The following ZNF385D variants were observed in gnomAD, a reference collection of about 807,000 sequenced individuals.
ZNF385D encodes the protein zinc finger protein 659.
In ZNF385D, 15 loss-of-function variants were observed where a neutral mutation model predicts 35.8. That is an observed-to-expected ratio of 0.42 (90% CI 0.28 to 0.64). The LOEUF (loss-of-function observed/expected upper bound fraction) is 0.64. Among genes scored for constraint, ZNF385D ranks in the 30% least tolerant of loss-of-function variants. The pLI, the probability that ZNF385D is intolerant of heterozygous loss-of-function variation, is 0.23. For synonymous variants in ZNF385D, 212 were observed against 186.8 expected, an observed-to-expected ratio of 1.13 and a Z score of -1.10; for missense variants, 474 against 494.6, an observed-to-expected ratio of 0.96 and a Z score of 0.39.
chr3:21,996,819 A>G (rs1330109474), intron 3 of ZNF385D, among the ~76,000 whole-genome samples: 1 of 152,228 alleles, frequency 6.6e-6, no homozygotes, highest in African/African-American at 2.4e-5. Flanking sequence ...AAGGAGGATT[A>G]GCACATTCAT....
At chr3:21,690,746 C>T (rs768473126) in intron 1 of ZNF385D, among the ~76,000 whole-genome samples, 1 of 152,192 alleles carries the variant, frequency 6.6e-6, no homozygotes, top group Non-Finnish European at 1.5e-5. Flanking sequence ...TTCAAATTCA[C>T]TGGCCCCACC....
At chr3:21,529,881 C>T (rs2061882953) in intron 3 of ZNF385D, among the ~76,000 whole-genome samples, 3 of 152,048 alleles carry the variant, frequency 2.0e-5, no homozygotes, top group Admixed American at 6.6e-5. Context: ...AAAATTATTG[C>T]AGAAAAAGTG....
chr3:21,462,411 C>T (rs969089093), intron 4 of ZNF385D, among the ~76,000 whole-genome samples: 1 of 152,162 alleles, frequency 6.6e-6, no homozygotes, highest in Admixed American at 6.5e-5. Flanking sequence ...AATGATGTTA[C>T]TTGCAATTAA....
At chr3:21,796,680 G>A (rs532441047) in intron 3 of ZNF385D, among the ~76,000 whole-genome samples, 62 of 152,264 alleles carry the variant, frequency 4.1e-4, no homozygotes, top group African/African-American at 1.4e-3. Flanking sequence ...GGTAACACAG[G>A]AACACATCTA....
intron 1 of ZNF385D, among the ~76,000 whole-genome samples, chr3:21,730,822 G>A (rs1406495958): frequency 6.6e-6 from 1 of 152,170 alleles, no homozygotes; most frequent in Non-Finnish European, 1.5e-5. Context: ...TGCTGTTATA[G>A]TGTAGATTTC....
intron 3 of ZNF385D, among the ~76,000 whole-genome samples, chr3:22,110,437 A>T (rs1442980059): frequency 6.6e-6 from 1 of 152,098 alleles, no homozygotes; most frequent in Non-Finnish European, 1.5e-5. Flanking sequence ...GCACATATAC[A>T]CCATGGAATA....
In ZNF385D at chr3:22,174,946, A is replaced by G. The variant is rs1057221433; in HGVS notation, c.107-5911T>C. On this transcript the variant is annotated intron_variant, in intron 2 of 5. Coordinates refer to the ZNF385D transcript ENST00000494108. ...GTCTAAATATTCCCCAAATTTTACA[A>G]AAGTTTTGCTCAAAAAAACTTATTC... 5.9e-5 allele frequency among the ~76,000 whole-genome samples: 9 copies of G among 152,182 alleles called. No homozygotes were observed. In the East Asian group the frequency reaches 1.4e-3, roughly 23 times the overall value.
rs1472477169 is a variant in ZNF385D at position 21,421,244 on chromosome 3, G to C, written c.1158C>G (p.Ala386=). Residue 386 remains alanine, a synonymous_variant, in exon 8 of 8, where the codon GCC becomes GCG. Coordinates refer to ENST00000281523, the MANE Select transcript of ZNF385D (RefSeq NM_024697.3). ...AAGGAGCAAACAGCACAGGAGTGTG[G>C]GCGGTCCGAATGGGTCCAGGAGCTG... is the stretch of plus-strand genomic sequence containing the variant. ...LRPAPGPIRT[A]HTPVLFAPY 1 of 1,614,038 alleles carries C rather than the reference G, an allele frequency of 6.2e-7. No individual in the cohort carries two copies. The highest frequency in any genetic ancestry group is 1.1e-5 in the South Asian group (1 of 91,068).
At chr3:21,833,345 G>A (rs1575742049) in intron 3 of ZNF385D, among the ~76,000 whole-genome samples, 2 of 152,062 alleles carry the variant, frequency 1.3e-5, no homozygotes, top group African/African-American at 4.8e-5. Flanking sequence ...AATAAATTAA[G>A]GATCTTAAGA....
intron 1 of ZNF385D, among the ~76,000 whole-genome samples, chr3:21,703,648 G>C (rs1256734353): frequency 7.7e-6 from 1 of 129,432 alleles, no homozygotes; most frequent in Non-Finnish European, 1.7e-5. Context: ...TATAGCTCAT[G>C]CTCTTTATCC....
chr3:21,741,548 T>G (rs2069515981), intron 1 of ZNF385D, among the ~76,000 whole-genome samples: 1 of 152,080 alleles, frequency 6.6e-6, no homozygotes. Flanking sequence ...GCGTCATAAG[T>G]TGTAAATTGT....
intron 4 of ZNF385D, among the ~76,000 whole-genome samples, chr3:21,502,104 AG>A (rs1261526199): frequency 1.7e-4 from 26 of 152,134 alleles, no homozygotes; most frequent in Middle Eastern, 3.2e-3. Context: ...CAGCAAATGC[AG>A]GGGTGGGGGT....
chr3:22,162,927 T>C (rs1344211670), intron 3 of ZNF385D, among the ~76,000 whole-genome samples: 1 of 152,046 alleles, frequency 6.6e-6, no homozygotes, highest in African/African-American at 2.4e-5. Flanking sequence ...TGTGTGCAAG[T>C]AGTGGGCTGG....
At chr3:21,595,530 A>G (rs2064105392) in intron 2 of ZNF385D, among the ~76,000 whole-genome samples, 1 of 150,626 alleles carries the variant, frequency 6.6e-6, no homozygotes, top group Non-Finnish European at 1.5e-5. Flanking sequence ...TATGTATGTA[A>G]TATATACATA....
rs373346995 is a variant in ZNF385D at position 22,019,029 on chromosome 3, T to C, written c.325+149788A>G. The stretch of plus-strand genomic sequence containing the variant: ...CTTCCCAGTTTCATGGATAGAGTTA[T>C]TTACCTTTTTTTTTTTTTTTTTTTT... On this transcript the variant is annotated intron_variant, in intron 3 of 5. Transcript: ENST00000494108. Among the ~76,000 whole-genome samples, 131 of 144,844 alleles carry C rather than the reference T, an allele frequency of 9.0e-4. 1 individual carries two copies. Among genetic ancestry groups the C allele is most frequent in the African/African-American group, 2.2e-3 (87 of 39,324 alleles).
intron 2 of ZNF385D, among the ~76,000 whole-genome samples, chr3:22,248,417 A>G (rs1030248626): frequency 6.6e-5 from 10 of 152,172 alleles, no homozygotes; most frequent in Middle Eastern, 3.2e-3. Flanking sequence ...AAGAAAGTAG[A>G]TATTATATAT....
At chr3:21,981,122 A>G (rs1694419353) in intron 3 of ZNF385D, among the ~76,000 whole-genome samples, 1 of 152,186 alleles carries the variant, frequency 6.6e-6, no homozygotes, top group Non-Finnish European at 1.5e-5. Context: ...TTGTACTTTT[A>G]GCTCACTGAG....
intron 2 of ZNF385D, among the ~76,000 whole-genome samples, chr3:22,356,836 G>C (rs1014498077): frequency 6.6e-6 from 1 of 151,712 alleles, no homozygotes; most frequent in African/African-American, 2.4e-5. Flanking sequence ...GTAGATTCAA[G>C]GTGAAATATT....
intron 1 of ZNF385D, among the ~76,000 whole-genome samples, chr3:21,724,952 T>C (rs1366731565): frequency 6.6e-6 from 1 of 152,034 alleles, no homozygotes; most frequent in East Asian, 1.9e-4. Flanking sequence ...CCTTAGCAAA[T>C]GCAAAAGAAC....
Sources: allele counts gnomAD v4.1 joint callset (sites outside exome capture counted in the v4.1 genomes callset), GRCh38; gene constraint gnomAD v4.1.1; transcripts MANE v1.5; gene names NCBI Gene and HGNC (gene_info 2026-07-23, HGNC 2026-07-21).